The following ADARB1 variants were observed in gnomAD, a reference collection of about 807,000 sequenced individuals.
ADARB1 encodes the protein double-stranded RNA-specific editase 1.
A neutral mutation model predicts 52.4 loss-of-function variants in ADARB1; 10 were observed. The ratio of observed to expected loss-of-function variants is 0.19; its 90% CI spans 0.12 to 0.32. ADARB1 has a LOEUF of 0.32. Ranked by LOEUF, ADARB1 falls within the 10% of genes least tolerant of loss-of-function variation. ADARB1 has a pLI of 1.00. For missense variants in ADARB1, 643 were observed against 922.3 expected, an observed-to-expected ratio of 0.70 and a Z score of 3.92; for synonymous variants, 349 against 371.1, an observed-to-expected ratio of 0.94 and a Z score of 0.68.
intron 1 of ADARB1, among the ~76,000 whole-genome samples, chr21:45,094,740 G>C (rs1284519538): frequency 7.2e-5 from 11 of 152,052 alleles, no homozygotes; most frequent in Non-Finnish European, 1.6e-4. Flanking sequence ...AGGGGAGAGA[G>C]GGGGGCAAAT....
intron 2 of ADARB1, among the ~76,000 whole-genome samples, chr21:45,162,427 C>A (rs2091021824): frequency 6.6e-6 from 1 of 152,170 alleles, no homozygotes; most frequent in Non-Finnish European, 1.5e-5. Flanking sequence ...TCCCCCTTGG[C>A]AGGCATGGGA....
chr21:45,136,239 G>A (rs1014379221), intron 2 of ADARB1, among the ~76,000 whole-genome samples: 2 of 152,156 alleles, frequency 1.3e-5, no homozygotes, highest in African/African-American at 4.8e-5. Context: ...GCCCTCGTGC[G>A]GGAATGAGTG....
Position 45,225,291 on chromosome 21 carries a change from C to CCA in ADARB1, c.*3096_*3097dup. On this transcript the variant is annotated 3_prime_UTR_variant, in exon 11 of 11. Transcript: ENST00000348831. ...CTCATCACCTGGTCGTACGCCAGGC[C>CCA]CACCTCTTCCCAGCAAGGGACGCCA... is the stretch of plus-strand genomic sequence containing the variant. 8.5e-7 allele frequency: 1 copy of CCA among 1,180,776 alleles called. No homozygotes were observed. The highest frequency in any genetic ancestry group is 4.3e-5 in the South Asian group (1 of 23,056). 73.1% of individuals were successfully genotyped at this position (1,180,776 alleles called of 1,614,324 possible).
chr21:45,112,479 A>G (rs1601397429), intron 1 of ADARB1, among the ~76,000 whole-genome samples: 2 of 149,488 alleles, frequency 1.3e-5, no homozygotes, highest in South Asian at 4.2e-4. Context: ...GGCTGGGGCC[A>G]GGGCTTGGGG....
At chr21:45,091,029 T>C (rs2086541989) in intron 1 of ADARB1, among the ~76,000 whole-genome samples, 1 of 152,402 alleles carries the variant, frequency 6.6e-6, no homozygotes, top group Non-Finnish European at 1.5e-5. Context: ...ATCAACTTCA[T>C]ATAAACTGAC....
intron 2 of ADARB1, among the ~76,000 whole-genome samples, chr21:45,164,792 G>T (rs1441698577): frequency 6.6e-6 from 1 of 152,126 alleles, no homozygotes; most frequent in African/African-American, 2.4e-5. Context: ...AGGCAGAGAG[G>T]CTCCTGCACA....
intron 2 of ADARB1, among the ~76,000 whole-genome samples, chr21:45,129,671 C>G (rs548048149): frequency 6.6e-6 from 1 of 152,146 alleles, no homozygotes; most frequent in Non-Finnish European, 1.5e-5. Flanking sequence ...GGGGAGGGAG[C>G]GGTCACCAGG....
In ADARB1 at chr21:45,208,079, CTT is replaced by C. The variant is rs1470073634; in HGVS notation, c.1747+3345_1747+3346del. On this transcript the variant is annotated intron_variant, in intron 9 of 10. Coordinates refer to ENST00000348831, the MANE Select transcript of ADARB1 (RefSeq NM_001112.4). This position sits in a 1 kb window ranked among gnomAD's most constrained non-coding sequence, Gnocchi z 5.6. ...AGGAAGTCTCTCGAGCTTTCTCAGA[CTT>C]TCTCTCAAATGAGTTTCACATCCAG... Among the ~76,000 whole-genome samples the C allele has an allele frequency of 6.6e-6, 1 of 152,206 alleles. No homozygotes were observed. Among genetic ancestry groups the C allele is most frequent in the East Asian group, 1.9e-4 (1 of 5,202 alleles).
chr21:45,153,059 G>A (rs972068682), intron 2 of ADARB1, among the ~76,000 whole-genome samples: 13 of 152,134 alleles, frequency 8.5e-5, no homozygotes, highest in Non-Finnish European at 1.5e-4. Context: ...TTCCTTTGCC[G>A]CACTCTTCAT....
chr21:45,223,118 CTG>C lies in ADARB1; in HGVS notation c.*923_*924del. ...GCACAATACATGGCCTAAGTTCCCT[CTG>C]TTCCTTCCTCTGAATCGAATGGATG... On this transcript the variant is annotated 3_prime_UTR_variant, in exon 11 of 11. Coordinates refer to ENST00000348831, the MANE Select transcript of ADARB1 (RefSeq NM_001112.4). 2 of 985,464 alleles carry C rather than the reference CTG, an allele frequency of 2.0e-6. No homozygotes were observed. The highest frequency in any genetic ancestry group is 2.4e-6 in the Non-Finnish European group (2 of 829,936). 61.0% of individuals were successfully genotyped at this position (985,464 alleles called of 1,614,324 possible).
intron 2 of ADARB1, among the ~76,000 whole-genome samples, chr21:45,149,349 A>G (rs1049486680): frequency 2.6e-5 from 4 of 152,214 alleles, no homozygotes; most frequent in African/African-American, 9.6e-5. Context: ...TGTGCACAGC[A>G]TCTGGGGGCA....
At chr21:45,201,331 A>G (rs988957536) in intron 8 of ADARB1, among the ~76,000 whole-genome samples, 4 of 152,150 alleles carry the variant, frequency 2.6e-5, no homozygotes, top group Non-Finnish European at 5.9e-5. Context: ...GCCTCTGCAG[A>G]GCTGTAGACA....
chr21:45,210,623 C>T (rs1398114612), intron 9 of ADARB1, among the ~76,000 whole-genome samples: 3 of 152,240 alleles, frequency 2.0e-5, no homozygotes, highest in Non-Finnish European at 4.4e-5. Context: ...GTGGGCCGGG[C>T]CTGCCGTCAC....
At position 45,223,220 on chromosome 21, in the gene ADARB1, A is replaced by G. The variant is rs2092996266; in HGVS notation, c.*1023A>G. The G allele has an allele frequency of 1.0e-6, 1 of 985,316 alleles. No individual in the cohort carries two copies. Among genetic ancestry groups the G allele is most frequent in the African/African-American group, 1.7e-5 (1 of 57,252 alleles). The allele number at this position is 985,316 out of a possible 1,614,324, so 61.0% of individuals were successfully genotyped here. On this transcript the variant is annotated 3_prime_UTR_variant, in exon 11 of 11. Transcript: ENST00000348831. ...TAGATACTCATTCTTGGAAAATGCC[A>G]TAGTTTTAAATTATTGTTTCCAGCT...
chr21:45,175,596 A>G (rs182798739), intron 3 of ADARB1, 134 bp from the exon 4 acceptor site: 1 of 883,584 alleles, frequency 1.1e-6, no homozygotes, highest in East Asian at 2.4e-5. Flanking sequence ...CTCTTCATGT[A>G]TACATCAAGG....
At chr21:45,159,754 C>T (rs746434877) in intron 2 of ADARB1, among the ~76,000 whole-genome samples, 1 of 152,138 alleles carries the variant, frequency 6.6e-6, no homozygotes, top group Non-Finnish European at 1.5e-5. Context: ...ACCCTCTGGA[C>T]AGCAGTGTGA....
intron 1 of ADARB1, among the ~76,000 whole-genome samples, chr21:45,093,934 G>A (rs1372563227): frequency 1.3e-5 from 2 of 152,174 alleles, no homozygotes; most frequent in East Asian, 1.9e-4. Flanking sequence ...TAAATAACTC[G>A]CTTTTTAGCA....
At chr21:45,104,536 G>A (rs752121706) in intron 1 of ADARB1, among the ~76,000 whole-genome samples, 1 of 152,326 alleles carries the variant, frequency 6.6e-6, no homozygotes, top group Non-Finnish European at 1.5e-5. Context: ...CCCAGAACTG[G>A]AGGTGTTTCT....
At chr21:45,203,671 A>C (rs2092608670) in intron 8 of ADARB1, among the ~76,000 whole-genome samples, 1 of 152,242 alleles carries the variant, frequency 6.6e-6, no homozygotes, top group Admixed American at 6.5e-5. Context: ...TGTCAGCTGC[A>C]CACGTGCAGT....
Sources: allele counts gnomAD v4.1 joint callset (sites outside exome capture counted in the v4.1 genomes callset), GRCh38; gene constraint gnomAD v4.1.1; non-coding constraint Gnocchi (gnomAD v3.1); transcripts MANE v1.5; gene names NCBI Gene and HGNC (gene_info 2026-07-23, HGNC 2026-07-21).